RBFOX1: variants seen among roughly 807,000 people sequenced by gnomAD.
The protein encoded by RBFOX1 is RNA binding fox-1 homolog 1.
In RBFOX1, 8 loss-of-function variants were observed where a neutral mutation model predicts 57.7. The observed-to-expected ratio is 0.14, with a 90% CI of 0.08 to 0.25. The LOEUF (loss-of-function observed/expected upper bound fraction) is 0.25. RBFOX1 is among the 10% of genes least tolerant of loss of function. The probability of loss-of-function intolerance (pLI) is 1.00; values close to 1 mark genes in which losing one functional copy is unlikely to be tolerated. For synonymous variants in RBFOX1, 326 were observed against 222.4 expected (o/e 1.47, Z -4.15); for missense variants, 611 against 548.5 (o/e 1.11, Z -1.14).
chr16:5,668,674 C>G (rs527280235), intron 3 of RBFOX1, among the ~76,000 whole-genome samples: 6 of 152,298 alleles, frequency 3.9e-5, no homozygotes, highest in East Asian at 3.9e-4. Flanking sequence ...CCTCTCCTTT[C>G]CCCTATCATC....
At chr16:6,871,299 C>T (rs1263545775) in intron 3 of RBFOX1, among the ~76,000 whole-genome samples, 3 of 152,176 alleles carry the variant, frequency 2.0e-5, no homozygotes, top group Non-Finnish European at 4.4e-5. Context: ...GATTTTCCTG[C>T]ATCAACTTCC....
chr16:7,305,058 C>T (rs1029712137), intron 4 of RBFOX1, among the ~76,000 whole-genome samples: 3 of 150,188 alleles, frequency 2.0e-5, no homozygotes, highest in African/African-American at 7.4e-5. Flanking sequence ...AACTCACTGG[C>T]AATGCTGTGA....
At chr16:6,871,239 G>A (rs1180039621) in intron 3 of RBFOX1, among the ~76,000 whole-genome samples, 6 of 152,172 alleles carry the variant, frequency 3.9e-5, no homozygotes, top group Non-Finnish European at 7.3e-5. Flanking sequence ...AGGCTGGAGT[G>A]CATTGGCATG....
chr16:6,657,701 G>A (rs181937753), intron 3 of RBFOX1, among the ~76,000 whole-genome samples: 1 of 152,328 alleles, frequency 6.6e-6, no homozygotes, highest in East Asian at 1.9e-4. Context: ...AGTGACAAGA[G>A]ATGGCAGAGG....
intron 4 of RBFOX1, among the ~76,000 whole-genome samples, chr16:7,112,720 C>T (rs1488225278): frequency 5.8e-5 from 7 of 120,854 alleles, no homozygotes; most frequent in African/African-American, 1.9e-4. Flanking sequence ...GCAAATGGGT[C>T]AAAGTGAAAA....
intron 3 of RBFOX1, among the ~76,000 whole-genome samples, chr16:6,947,464 A>C (rs1243326223): frequency 1.3e-5 from 2 of 152,186 alleles, no homozygotes; most frequent in African/African-American, 2.4e-5. Flanking sequence ...CCGGCTGAGA[A>C]CATATGTTCT....
intron 4 of RBFOX1, among the ~76,000 whole-genome samples, chr16:7,122,709 T>A (rs2151833544): frequency 6.6e-6 from 1 of 152,284 alleles, no homozygotes; most frequent in East Asian, 1.9e-4. Flanking sequence ...CTAGCAATCC[T>A]ACTCCTGGGT....
intron 3 of RBFOX1, among the ~76,000 whole-genome samples, chr16:6,739,147 A>G (rs2071304925): frequency 1.3e-5 from 2 of 152,232 alleles, no homozygotes; most frequent in Admixed American, 6.5e-5. Flanking sequence ...ATTGGAGCAA[A>G]AGTCAATGAA....
At chr16:6,544,699 A>C (rs9933839) in intron 2 of RBFOX1, among the ~76,000 whole-genome samples, 2,736 of 152,258 alleles carry the variant, frequency 0.018, 68 homozygotes, top group African/African-American at 0.063. Context: ...GTGGGACTCT[A>C]TATAAGTTTG....
rs2060594335 is a variant in RBFOX1 at position 7,090,190 on chromosome 16, C to T, written c.27+38092C>T. On this transcript the variant is annotated intron_variant, in intron 4 of 15. Transcript: ENST00000550418. ...GTGAAAATAGTGGTTGCTACTGTCT[C>T]ATGGATATAAAAGTGAAAATGAAGA... Among the ~76,000 whole-genome samples the T allele has an allele frequency of 2.0e-5, 3 of 152,210 alleles. No individual in the cohort carries two copies. The South Asian group carries it at 6.2e-4, about 32-fold the overall frequency.
chr16:6,665,392 T>C (rs1221025766), intron 3 of RBFOX1, among the ~76,000 whole-genome samples: 1 of 152,106 alleles, frequency 6.6e-6, no homozygotes, highest in Non-Finnish European at 1.5e-5. Flanking sequence ...GGTGGGTGGA[T>C]TACCTGAGGT....
chr16:5,958,036 T>A (rs956380888), intron 4 of RBFOX1, among the ~76,000 whole-genome samples: 1 of 152,152 alleles, frequency 6.6e-6, no homozygotes, highest in African/African-American at 2.4e-5. Context: ...TTATGTTGAT[T>A]CTAGATTTGA....
At chr16:7,083,179 C>T (rs1452327433) in intron 4 of RBFOX1, among the ~76,000 whole-genome samples, 1 of 152,066 alleles carries the variant, frequency 6.6e-6, no homozygotes, top group African/African-American at 2.4e-5. Flanking sequence ...CTGACACCCC[C>T]CGAGGGGACA....
intron 9 of RBFOX1, among the ~76,000 whole-genome samples, chr16:7,606,323 A>C (rs531001153): frequency 6.6e-6 from 1 of 151,186 alleles, no homozygotes; most frequent in East Asian, 2.0e-4. Flanking sequence ...GGGTTTCACT[A>C]TGTTGGCCAG....
chr16:7,304,615 G>C, intron 4 of RBFOX1: 3 of 980,948 alleles, frequency 3.1e-6, no homozygotes, highest in Non-Finnish European at 2.4e-6. Context: ...GCGATGGAAA[G>C]GGTGGATGGA....
chr16:6,043,784 A>G (rs1376377460), intron 1 of RBFOX1, among the ~76,000 whole-genome samples: 1 of 152,068 alleles, frequency 6.6e-6, no homozygotes, highest in African/African-American at 2.4e-5. Flanking sequence ...AGTTCTGCTT[A>G]TGGGGAGTTT....
chr16:6,438,193 A>G (rs2094288682), intron 2 of RBFOX1, among the ~76,000 whole-genome samples: 1 of 152,222 alleles, frequency 6.6e-6, no homozygotes, highest in Non-Finnish European at 1.5e-5. Flanking sequence ...CAATGTAATA[A>G]TTACTAATTA....
chr16:7,543,794 C>G (rs748025752), intron 5 of RBFOX1, among the ~76,000 whole-genome samples: 4 of 151,988 alleles, frequency 2.6e-5, no homozygotes, highest in Non-Finnish European at 4.4e-5. Flanking sequence ...GATCTTGGCT[C>G]ACTGCAACCT....
intron 1 of RBFOX1, among the ~76,000 whole-genome samples, chr16:6,109,714 G>A (rs891586817): frequency 6.6e-6 from 1 of 152,122 alleles, no homozygotes; most frequent in Non-Finnish European, 1.5e-5. Flanking sequence ...CTTGACTGGG[G>A]ATAGTAGAAT....
Sources: allele counts gnomAD v4.1 joint callset (sites outside exome capture counted in the v4.1 genomes callset), GRCh38; gene constraint gnomAD v4.1.1; transcripts MANE v1.5; gene names NCBI Gene and HGNC (gene_info 2026-07-23, HGNC 2026-07-21).